Variants in SLC38A4 observed in about 807,000 individuals in gnomAD.
The protein encoded by SLC38A4 is solute carrier family 38 member 4, also known as sodium-coupled neutral amino acid transporter 4.
In SLC38A4, 20 loss-of-function variants were observed where a neutral mutation model predicts 63.1. The observed-to-expected ratio is 0.32, with a 90% CI of 0.22 to 0.46. The LOEUF is 0.46. Ranked by LOEUF, SLC38A4 falls within the 20% of genes least tolerant of loss-of-function variation. The pLI, the probability that SLC38A4 is intolerant of heterozygous loss-of-function variation, is 1.00. For missense variants in SLC38A4, 526 were observed against 663.6 expected, an observed-to-expected ratio of 0.79 and a Z score of 2.28; for synonymous variants, 230 against 225.5, an observed-to-expected ratio of 1.02 and a Z score of -0.18.
At position 46,775,097 on chromosome 12, in the gene SLC38A4, C is replaced by A; in HGVS notation, c.1251G>T (p.Leu417=). ...TTAGTGTTACTGCCACAAGGACTGCCAGGCGAACCATGAGAAGAGGGATGT... is the reference window on the plus strand; with the variant it reads ...TTAGTGTTACTGCCACAAGGACTGCAAGGCGAACCATGAGAAGAGGGATGT... ...TLDIPLLMVR[L]AVLVAVTLTV... The change falls in exon 14 of 17, where the codon CTG becomes CTT. Residue 417 remains leucine, a synonymous_variant. Transcript: ENST00000266579. 1 of 1,612,836 alleles carries A rather than the reference C, an allele frequency of 6.2e-7. No homozygotes were observed. The highest frequency in any genetic ancestry group is 8.5e-7 in the Non-Finnish European group (1 of 1,179,152).
chr12:46,812,385 C>T lies in SLC38A4; in HGVS notation c.-304-8591G>A, dbSNP rs1050780867. On this transcript the variant is annotated intron_variant, in intron 1 of 16. Coordinates refer to ENST00000266579, the MANE Select transcript of SLC38A4 (RefSeq NM_018018.5). ...TTGTCTTGAAACTGTCTGTTCATCC[C>T]TTTTTATCTACATGAGAAGTCTTCT... Among the ~76,000 whole-genome samples the T allele has an allele frequency of 3.9e-5, 6 of 151,938 alleles. No individual in the cohort carries two copies. In the South Asian group the frequency reaches 1.2e-3, roughly 31 times the overall value.
chr12:46,779,370 TC>T (rs1319868991), intron 10 of SLC38A4, among the ~76,000 whole-genome samples: 1 of 151,906 alleles, frequency 6.6e-6, no homozygotes, highest in Non-Finnish European at 1.5e-5. Flanking sequence ...TTTCCTTTTT[TC>T]CCCATATATA....
At chr12:46,816,593 A>G (rs1418902088) in intron 1 of SLC38A4, among the ~76,000 whole-genome samples, 1 of 151,892 alleles carries the variant, frequency 6.6e-6, no homozygotes, top group Non-Finnish European at 1.5e-5. Flanking sequence ...TTCGGCCTCA[A>G]TCAGCATATT....
chr12:46,820,734 AT>A (rs914857747), intron 1 of SLC38A4, among the ~76,000 whole-genome samples: 1 of 151,796 alleles, frequency 6.6e-6, no homozygotes, highest in Non-Finnish European at 1.5e-5. Flanking sequence ...TCTATTTTTC[AT>A]TTTTTAGGAA....
chr12:46,784,687 A>C, intron 6 of SLC38A4, 53 bp from the exon 7 acceptor site: 1 of 1,402,834 alleles, frequency 7.1e-7, no homozygotes, highest in Non-Finnish European at 1.0e-6. Flanking sequence ...AATGACTAAA[A>C]TATTTTTGTC....
chr12:46,786,743 A>G (rs1299800522), intron 5 of SLC38A4, among the ~76,000 whole-genome samples: 1 of 152,184 alleles, frequency 6.6e-6, no homozygotes, highest in Admixed American at 6.6e-5. Flanking sequence ...GCTGAAGAAT[A>G]TTATACATAA....
intron 1 of SLC38A4, among the ~76,000 whole-genome samples, chr12:46,820,236 G>T (rs558498793): frequency 6.6e-6 from 1 of 151,830 alleles, no homozygotes; most frequent in East Asian, 1.9e-4. Context: ...CAACACTTTC[G>T]TGCCTAACGA....
Position 46,802,151 on chromosome 12 carries a change from A to G in SLC38A4, c.-113+1452T>C, listed in dbSNP as rs577379832. Among the ~76,000 whole-genome samples the G allele has an allele frequency of 3.9e-5, 6 of 152,210 alleles. No homozygotes were observed. In the East Asian group the frequency reaches 1.2e-3, roughly 29 times the overall value. Reference sequence around the variant, plus strand: ...TTTGAATATGCGATTTTGTTTACAGACTTTCTAGCTCTGCTCTTAGAAGAA... The same window carrying G: ...TTTGAATATGCGATTTTGTTTACAGGCTTTCTAGCTCTGCTCTTAGAAGAA... On this transcript the variant is annotated intron_variant, in intron 2 of 16. Coordinates refer to ENST00000266579, the MANE Select transcript of SLC38A4 (RefSeq NM_018018.5).
chr12:46,765,389 C>T lies in SLC38A4; in HGVS notation c.*1312G>A, dbSNP rs780174051. On this transcript the variant is annotated 3_prime_UTR_variant, in exon 17 of 17. Transcript: ENST00000266579. ...AATGGCCAATGAATGTCAGCAAACA[C>T]CTGTGTGAGCTAAACTGAACTAAAT... The T allele has an allele frequency of 4.2e-5, 12 of 285,952 alleles. No homozygotes were observed. The highest frequency in any genetic ancestry group is 3.4e-4 in the South Asian group (12 of 35,596). 17.7% of individuals were successfully genotyped at this position (285,952 alleles called of 1,614,324 possible).
intron 14 of SLC38A4, among the ~76,000 whole-genome samples, chr12:46,770,630 T>C (rs977161473): frequency 3.3e-5 from 5 of 152,110 alleles, no homozygotes; most frequent in Non-Finnish European, 7.4e-5. Flanking sequence ...CTGCTGTAAC[T>C]GGATAAAGAT....
intron 1 of SLC38A4, among the ~76,000 whole-genome samples, chr12:46,815,788 A>G (rs1006793725): frequency 6.6e-6 from 1 of 151,954 alleles, no homozygotes. Context: ...CCAGGCAAAC[A>G]TTTCAGGAAT....
At chr12:46,768,510 A>G in intron 15 of SLC38A4, 103 bp from the exon 16 acceptor site, 1 of 674,474 alleles carries the variant, frequency 1.5e-6, no homozygotes, top group South Asian at 2.4e-5. Flanking sequence ...AAGCTATCCT[A>G]TACTTAGCAC....
At chr12:46,787,144 G>A (rs150221228) in intron 5 of SLC38A4, among the ~76,000 whole-genome samples, 155 of 152,308 alleles carry the variant, frequency 1.0e-3, no homozygotes, top group Non-Finnish European at 1.3e-3. Context: ...GTGAAAGTAC[G>A]TAGGTTTAGG....
At position 46,814,143 on chromosome 12, in the gene SLC38A4, G is replaced by A. The variant is rs373863223; in HGVS notation, c.-304-10349C>T. On this transcript the variant is annotated intron_variant, in intron 1 of 16. Transcript: ENST00000266579. ...TTCTATTGTTCTTTTTTATAAAAGT[G>A]AAATGACATTAGCAAAATAGATTAT... 1.3e-3 allele frequency among the ~76,000 whole-genome samples: 198 copies of A among 152,066 alleles called. 4 individuals are homozygous for A. The South Asian group carries it at 0.023, about 18-fold the overall frequency.
chr12:46,770,385 T>G (rs904748958), intron 14 of SLC38A4, among the ~76,000 whole-genome samples: 1 of 152,056 alleles, frequency 6.6e-6, no homozygotes, highest in Non-Finnish European at 1.5e-5. Flanking sequence ...TATCAATAGA[T>G]TGTAAATCTA....
At position 46,765,704 on chromosome 12, in the gene SLC38A4, T is replaced by C. The variant is rs575326358; in HGVS notation, c.*997A>G. The C allele has an allele frequency of 1.3e-4, 24 of 186,120 alleles. No individual in the cohort carries two copies. Among genetic ancestry groups the C allele is most frequent in the Non-Finnish European group, 2.5e-4 (22 of 87,278 alleles). 11.5% of individuals were successfully genotyped at this position (186,120 alleles called of 1,614,324 possible). A position where few individuals can be genotyped will look rare whatever the true frequency, so the allele number is the denominator to read the frequency against. The stretch of plus-strand genomic sequence containing the variant: ...ACACATGTAAAAAATAAAAATCAAA[T>C]GTACCTTACATTAACATTCTGATGA... On this transcript the variant is annotated 3_prime_UTR_variant, in exon 17 of 17. Transcript: ENST00000266579.
In SLC38A4 at chr12:46,768,312, C is replaced by T. The variant is rs573404264; in HGVS notation, c.1540G>A (p.Gly514Arg). The change falls in exon 16 of 17, where the codon GGG becomes AGG. Residue 514 changes from glycine to arginine, a missense_variant and splice_region_variant. Transcript: ENST00000266579. ...GGGAAATTGCAAGGTTTACTTACCCCGACCTTTTGGGGTGACCTAAAAGTT... is the reference window on the plus strand; with the variant it reads ...GGGAAATTGCAAGGTTTACTTACCCTGACCTTTTGGGGTGACCTAAAAGTT... The part of the protein sequence containing the change: ...KETFRSPQKV[G>R]ALIFLVVGIF... The T allele has an allele frequency of 7.5e-6, 12 of 1,606,812 alleles. No homozygotes were observed. In the African/African-American group the frequency reaches 1.1e-4, roughly 14 times the overall value.
chr12:46,825,673 T>C lies in SLC38A4; in HGVS notation c.-305+230A>G, dbSNP rs944684190. On this transcript the variant is annotated intron_variant, in intron 1 of 16. Transcript: ENST00000266579. ...CATCCTTGAAACACATTCCTCCCAT[T>C]TGGAAAAATTCCAGAAACAAGACTA... Among the ~76,000 whole-genome samples the C allele has an allele frequency of 3.9e-5, 6 of 152,202 alleles. No individual in the cohort carries two copies. In the South Asian group the frequency reaches 1.0e-3, roughly 26 times the overall value.
upstream of SLC38A4, among the ~76,000 whole-genome samples, chr12:46,830,256 T>C (rs1339424761): frequency 6.6e-6 from 1 of 151,950 alleles, no homozygotes; most frequent in Non-Finnish European, 1.5e-5. Flanking sequence ...AGATTTTCTA[T>C]AGATTTATTT....
Sources: allele counts gnomAD v4.1 joint callset (sites outside exome capture counted in the v4.1 genomes callset), GRCh38; gene constraint gnomAD v4.1.1; transcripts MANE v1.5; gene names NCBI Gene and HGNC (gene_info 2026-07-23, HGNC 2026-07-21).